Variants in SORCS2 observed in about 807,000 individuals in gnomAD.
The protein encoded by SORCS2 is VPS10 domain-containing receptor SorCS2.
SORCS2 carries 100 observed loss-of-function variants against 141.6 expected under a neutral mutation model. The ratio of observed to expected loss-of-function variants is 0.71; its 90% CI spans 0.60 to 0.83. The LOEUF (loss-of-function observed/expected upper bound fraction) is 0.83. Among genes scored for constraint, SORCS2 ranks in the 40% least tolerant of loss-of-function variants. The probability of loss-of-function intolerance (pLI) is 0.00; values close to 1 mark genes in which losing one functional copy is unlikely to be tolerated. For missense variants in SORCS2, 1,646 were observed against 1,560.2 expected, an observed-to-expected ratio of 1.05 and a Z score of -0.93; for synonymous variants, 789 against 676.9, an observed-to-expected ratio of 1.17 and a Z score of -2.57.
chr4:7,607,140 T>C (rs1718110363), intron 3 of SORCS2, among the ~76,000 whole-genome samples: 1 of 152,220 alleles, frequency 6.6e-6, no homozygotes, highest in African/African-American at 2.4e-5. Flanking sequence ...GACTTCATGG[T>C]CTGGCCACAA....
Position 7,712,870 on chromosome 4 carries a change from C to T in SORCS2, c.1989+17C>T. The stretch of plus-strand genomic sequence containing the variant: ...AACCTGCAGGTGGGCCGGCATGAGG[C>T]TGGGATCGGGCAGGTGGGGTACAGA... On this transcript the variant is annotated intron_variant, in intron 15 of 26. Transcript: ENST00000507866. 6.2e-7 allele frequency: 1 copy of T among 1,613,152 alleles called. No homozygotes were observed. The highest frequency in any genetic ancestry group is 8.5e-7 in the Non-Finnish European group (1 of 1,179,782).
chr4:7,248,817 C>A (rs913019991), intron 1 of SORCS2, among the ~76,000 whole-genome samples: 1 of 152,148 alleles, frequency 6.6e-6, no homozygotes, highest in African/African-American at 2.4e-5. Flanking sequence ...CCATTCGTGG[C>A]CTGAGAAAGG....
At chr4:7,460,386 G>C (rs1328232113) in intron 2 of SORCS2, among the ~76,000 whole-genome samples, 1 of 152,234 alleles carries the variant, frequency 6.6e-6, no homozygotes, top group Non-Finnish European at 1.5e-5. Flanking sequence ...ACACTTCTAA[G>C]GTCCAGACAT....
intron 1 of SORCS2, among the ~76,000 whole-genome samples, chr4:7,219,855 A>C (rs1728595745): frequency 6.6e-6 from 1 of 152,210 alleles, no homozygotes; most frequent in African/African-American, 2.4e-5. Flanking sequence ...TGTGCAGGGC[A>C]CAGACCTTGC....
intron 2 of SORCS2, among the ~76,000 whole-genome samples, chr4:7,524,944 C>G (rs1220997158): frequency 6.6e-6 from 1 of 152,250 alleles, no homozygotes; most frequent in Admixed American, 6.5e-5. Context: ...TCCTGTCCCC[C>G]GAGCACCCCT....
At chr4:7,488,705 G>A (rs180975656) in intron 2 of SORCS2, among the ~76,000 whole-genome samples, 6 of 152,340 alleles carry the variant, frequency 3.9e-5, no homozygotes, top group African/African-American at 1.2e-4. Context: ...CAGCCAAGAC[G>A]GGCACGTGTC....
chr4:7,216,647 G>T (rs1295160700), intron 1 of SORCS2, among the ~76,000 whole-genome samples: 1 of 152,014 alleles, frequency 6.6e-6, no homozygotes, highest in Non-Finnish European at 1.5e-5. Context: ...CTGCCTTCGC[G>T]TCTCCTTCTC....
At chr4:7,318,452 G>C (rs538412510) in intron 1 of SORCS2, among the ~76,000 whole-genome samples, 1 of 152,270 alleles carries the variant, frequency 6.6e-6, no homozygotes, top group South Asian at 2.1e-4. Context: ...CCTAGGGCCT[G>C]GTGTCATTTT....
chr4:7,479,811 A>G (rs1173291419), intron 2 of SORCS2, among the ~76,000 whole-genome samples: 1 of 152,268 alleles, frequency 6.6e-6, no homozygotes, highest in East Asian at 1.9e-4. Flanking sequence ...TGCAGTGAGC[A>G]GAGTCAGCCT....
intron 3 of SORCS2, among the ~76,000 whole-genome samples, chr4:7,579,671 T>C (rs1454993577): frequency 1.3e-5 from 2 of 152,180 alleles, no homozygotes; most frequent in Non-Finnish European, 2.9e-5. Context: ...CTGAATGTAC[T>C]TTCAGTGGGT....
chr4:7,674,537 G>T (rs1375155309), intron 8 of SORCS2, among the ~76,000 whole-genome samples: 4 of 142,930 alleles, frequency 2.8e-5, no homozygotes, highest in African/African-American at 1.1e-4. Context: ...TTGCGCCATT[G>T]CACTCCAGCC....
At chr4:7,603,056 G>A (rs2108796693) in intron 3 of SORCS2, among the ~76,000 whole-genome samples, 1 of 152,310 alleles carries the variant, frequency 6.6e-6, no homozygotes, top group Non-Finnish European at 1.5e-5. Flanking sequence ...GCACTCCGCA[G>A]GCTGAGGCAG....
intron 6 of SORCS2, among the ~76,000 whole-genome samples, chr4:7,662,098 AC>A (rs1722212052): frequency 1.3e-5 from 2 of 152,002 alleles, no homozygotes; most frequent in Admixed American, 6.5e-5. Context: ...GAGGCCAGTC[AC>A]CCCAGTCTCC....
At position 7,274,434 on chromosome 4, in the gene SORCS2, G is replaced by A. The variant is rs779879257; in HGVS notation, c.480+81308G>A. Reference sequence around the variant, plus strand: ...CAGGCTGTACAGGAAGCATGATGCCGGGCATCTGCTTGGCTTCTGGGGAGG... The same window carrying A: ...CAGGCTGTACAGGAAGCATGATGCCAGGCATCTGCTTGGCTTCTGGGGAGG... On this transcript the variant is annotated intron_variant, in intron 1 of 26. Transcript: ENST00000507866. 2.5e-4 allele frequency among the ~76,000 whole-genome samples: 38 copies of A among 152,152 alleles called. 1 individual carries two copies. Among genetic ancestry groups the A allele is most frequent in the Admixed American group, 2.3e-3 (35 of 15,274 alleles).
At position 7,569,529 on chromosome 4, in the gene SORCS2, G is replaced by C. The variant is rs1162649741; in HGVS notation, c.648+37900G>C. On this transcript the variant is annotated intron_variant, in intron 3 of 26. Coordinates refer to ENST00000507866, the MANE Select transcript of SORCS2 (RefSeq NM_020777.3). ...AGACTCCGTCGCAAAAAAGAAAAAA[G>C]AAATATCTACAGAAGGAGGAGGATA... 2.6e-5 allele frequency among the ~76,000 whole-genome samples: 4 copies of C among 152,112 alleles called. No individual in the cohort carries two copies. In the East Asian group the frequency reaches 7.7e-4, roughly 29 times the overall value.
At chr4:7,412,858 C>A (rs929430127) in intron 2 of SORCS2, among the ~76,000 whole-genome samples, 7 of 152,258 alleles carry the variant, frequency 4.6e-5, no homozygotes, top group Admixed American at 3.3e-4. Flanking sequence ...CTCCCAGGGC[C>A]TCCGCCACAG....
intron 3 of SORCS2, among the ~76,000 whole-genome samples, chr4:7,582,741 T>C (rs1716244762): frequency 6.6e-6 from 1 of 152,222 alleles, no homozygotes; most frequent in Admixed American, 6.5e-5. Context: ...TCTTTCTCTA[T>C]GGCCACACCA....
At chr4:7,556,674 A>T (rs1714129556) in intron 3 of SORCS2, among the ~76,000 whole-genome samples, 1 of 151,920 alleles carries the variant, frequency 6.6e-6, no homozygotes. Context: ...CCATCCATCC[A>T]TCCAGTCACC....
At chr4:7,351,279 C>T (rs116417665) in intron 1 of SORCS2, among the ~76,000 whole-genome samples, 1,699 of 152,316 alleles carry the variant, frequency 0.011, 16 homozygotes, top group Middle Eastern at 0.02. Flanking sequence ...CTGCTCACAA[C>T]GGAACCTTGT....
Sources: allele counts gnomAD v4.1 joint callset (sites outside exome capture counted in the v4.1 genomes callset), GRCh38; gene constraint gnomAD v4.1.1; transcripts MANE v1.5; gene names NCBI Gene and HGNC (gene_info 2026-07-23, HGNC 2026-07-21).